The following CAMK4 variants were observed in gnomAD, a reference collection of about 807,000 sequenced individuals.
CAMK4 encodes calcium/calmodulin dependent protein kinase IV.
A neutral mutation model predicts 44.9 loss-of-function variants in CAMK4; 22 were observed. The ratio of observed to expected loss-of-function variants is 0.49; its 90% CI spans 0.35 to 0.70. The LOEUF is 0.70. CAMK4 is among the 30% of genes least tolerant of loss of function. CAMK4 has a pLI of 0.01. For missense variants in CAMK4, 498 were observed against 586.8 expected (o/e 0.85, Z 1.56); for synonymous variants, 218 against 215.4 (o/e 1.01, Z -0.11).
intron 1 of CAMK4, among the ~76,000 whole-genome samples, chr5:111,336,907 G>A (rs913222560): frequency 1.3e-5 from 2 of 150,716 alleles, no homozygotes; most frequent in Admixed American, 6.6e-5. Context: ...TGGTAATGTG[G>A]TTTTTAATAT....
chr5:111,268,418 T>G (rs1750357980), intron 1 of CAMK4, among the ~76,000 whole-genome samples: 1 of 152,210 alleles, frequency 6.6e-6, no homozygotes, highest in Non-Finnish European at 1.5e-5. Context: ...GAAACAAATT[T>G]TCATGGGAAT....
intron 5 of CAMK4, among the ~76,000 whole-genome samples, chr5:111,439,513 C>T (rs571681352): frequency 3.3e-5 from 5 of 152,134 alleles, no homozygotes; most frequent in South Asian, 2.1e-4. Context: ...TCAATTGGAT[C>T]GTATCATTTG....
At chr5:111,236,535 G>T (rs1418676019) in intron 1 of CAMK4, among the ~76,000 whole-genome samples, 1 of 152,252 alleles carries the variant, frequency 6.6e-6, no homozygotes, top group East Asian at 1.9e-4. Flanking sequence ...TGGTTTGTCA[G>T]ACTTCAGCAC....
At chr5:111,426,559 A>T (rs1181875925) in intron 5 of CAMK4, among the ~76,000 whole-genome samples, 1 of 152,226 alleles carries the variant, frequency 6.6e-6, no homozygotes, top group African/African-American at 2.4e-5. Context: ...GTGAGCTCTC[A>T]TGGTACCTGG....
At chr5:111,394,921 G>A (rs1751939036) in intron 5 of CAMK4, 139 bp downstream of exon 5, 3 of 615,946 alleles carry the variant, frequency 4.9e-6, no homozygotes, top group Non-Finnish European at 8.5e-6. Flanking sequence ...GAAAATGTGT[G>A]GAATAAGGTG....
intron 5 of CAMK4, among the ~76,000 whole-genome samples, chr5:111,442,321 C>T (rs1040230021): frequency 2.6e-5 from 4 of 152,084 alleles, no homozygotes; most frequent in Non-Finnish European, 5.9e-5. Flanking sequence ...TGGTGAAACC[C>T]TGTCTCTACT....
At chr5:111,316,573 G>T (rs368785308) in intron 1 of CAMK4, among the ~76,000 whole-genome samples, 1 of 152,154 alleles carries the variant, frequency 6.6e-6, no homozygotes, top group South Asian at 2.1e-4. Flanking sequence ...TTTGAAGAAT[G>T]TGAAGATGCA....
chr5:111,235,515 A>T (rs1748673715), intron 1 of CAMK4, among the ~76,000 whole-genome samples: 1 of 152,190 alleles, frequency 6.6e-6, no homozygotes, highest in Non-Finnish European at 1.5e-5. Context: ...ATGTACACTA[A>T]TAACAATGTT....
At chr5:111,433,583 A>G (rs992823025) in intron 5 of CAMK4, among the ~76,000 whole-genome samples, 3 of 152,214 alleles carry the variant, frequency 2.0e-5, no homozygotes, top group Non-Finnish European at 4.4e-5. Flanking sequence ...GAACGAAAGG[A>G]AGGAAAATTA....
intron 1 of CAMK4, among the ~76,000 whole-genome samples, chr5:111,323,742 C>A (rs1243205101): frequency 1.1e-4 from 16 of 151,898 alleles, no homozygotes; most frequent in Non-Finnish European, 2.4e-4. Flanking sequence ...CACACATAAA[C>A]CACAAGTAAT....
chr5:111,464,504 G>A (rs771730883), intron 7 of CAMK4, among the ~76,000 whole-genome samples: 20 of 152,086 alleles, frequency 1.3e-4, no homozygotes, highest in Non-Finnish European at 2.5e-4. Flanking sequence ...GAAATTTATT[G>A]CATAAAGATC....
chr5:111,332,840 G>A (rs965089677), intron 1 of CAMK4, among the ~76,000 whole-genome samples: 9 of 151,554 alleles, frequency 5.9e-5, no homozygotes, highest in Non-Finnish European at 1.3e-4. Context: ...CCAAATTGTG[G>A]AAAAACTTAG....
At chr5:111,333,698 G>C (rs1280311638) in intron 1 of CAMK4, among the ~76,000 whole-genome samples, 1 of 151,646 alleles carries the variant, frequency 6.6e-6, no homozygotes, top group Admixed American at 6.6e-5. Context: ...ACTGGATGCT[G>C]TTAGGCAACA....
chr5:111,412,025 TAGG>T (rs1242809305), intron 5 of CAMK4, among the ~76,000 whole-genome samples: 2 of 152,266 alleles, frequency 1.3e-5, no homozygotes, highest in Non-Finnish European at 2.9e-5. Flanking sequence ...AAGCTCTGCT[TAGG>T]AGCATAAATG....
At chr5:111,468,208 C>G (rs1328917135) in intron 7 of CAMK4, among the ~76,000 whole-genome samples, 3 of 152,122 alleles carry the variant, frequency 2.0e-5, no homozygotes, top group Non-Finnish European at 2.9e-5. Context: ...AAAAACTACA[C>G]ATTGGGTACA....
intron 1 of CAMK4, among the ~76,000 whole-genome samples, chr5:111,335,493 T>A (rs1749363491): frequency 6.6e-6 from 1 of 151,280 alleles, no homozygotes; most frequent in Non-Finnish European, 1.5e-5. Flanking sequence ...TATCTTTTTT[T>A]AAAGCAAGAA....
At chr5:111,282,400 G>A (rs1446808444) in intron 1 of CAMK4, among the ~76,000 whole-genome samples, 2 of 151,322 alleles carry the variant, frequency 1.3e-5, no homozygotes, top group East Asian at 2.0e-4. Context: ...ATTGCTCTTG[G>A]CCAATTTTTC....
intron 2 of CAMK4, 110 bp downstream of exon 2, chr5:111,344,212 C>T (rs1362757499): frequency 1.6e-6 from 1 of 616,334 alleles, no homozygotes; most frequent in Non-Finnish European, 2.8e-6. Context: ...TGCAAATAAC[C>T]CATTTGACTC....
At chr5:111,284,184 T>G (rs970575179) in intron 1 of CAMK4, among the ~76,000 whole-genome samples, 1 of 152,220 alleles carries the variant, frequency 6.6e-6, no homozygotes, top group Non-Finnish European at 1.5e-5. Context: ...GCCAGAAAAT[T>G]TTAAATATCT....
Sources: gnomAD v4.1 joint callset for allele counts (sites outside exome capture counted in the v4.1 genomes callset) on GRCh38, gnomAD v4.1.1 for gene constraint, MANE v1.5 for transcripts, NCBI Gene and HGNC (gene_info 2026-07-23, HGNC 2026-07-21) for gene names.